The following PEAK1 variants were observed in gnomAD, a reference collection of about 807,000 sequenced individuals.
PEAK1 encodes the protein inactive tyrosine-protein kinase PEAK1.
PEAK1 carries 54 observed loss-of-function variants against 124.7 expected under a neutral mutation model. The ratio of observed to expected loss-of-function variants is 0.43; its 90% CI spans 0.35 to 0.54. PEAK1 has a LOEUF of 0.54. Among genes scored for constraint, PEAK1 ranks in the 20% least tolerant of loss-of-function variants. PEAK1 has a pLI of 0.01. For synonymous variants in PEAK1, 719 were observed against 760.0 expected (o/e 0.95, Z 0.89); for missense variants, 2,046 against 2,134.5 (o/e 0.96, Z 0.82).
chr15:77,406,679 A>C (rs1359098962), intron 1 of PEAK1, among the ~76,000 whole-genome samples: 1 of 152,208 alleles, frequency 6.6e-6, no homozygotes, highest in Non-Finnish European at 1.5e-5. Context: ...GGGCAGAATA[A>C]ATATTGTGAA....
In PEAK1 at chr15:77,133,261, T is replaced by C. The variant is rs1489623382; in HGVS notation, c.3821A>G (p.Gln1274Arg). ...QGRGIQKPQR[Q>R]ALYRGLENRE... ...ATTCTCAAGTCCTCGATAAAGTGCT[T>C]GTCTCTGCGGCTTCTGGATGCCTCG... is the stretch of plus-strand genomic sequence containing the variant. The change falls in exon 9 of 10, where the codon CAA (glutamine) becomes CGA (arginine). Residue 1274 changes from glutamine to arginine, a missense_variant. Transcript: ENST00000682557. This position sits in a 1 kb window ranked among gnomAD's most constrained non-coding sequence, Gnocchi z 4.2. The C allele has an allele frequency of 1.9e-6, 3 of 1,614,234 alleles. No homozygotes were observed. Among genetic ancestry groups the C allele is most frequent in the Non-Finnish European group, 2.5e-6 (3 of 1,180,034 alleles).
chr15:77,316,645 T>C (rs2064894449), intron 2 of PEAK1, among the ~76,000 whole-genome samples: 3 of 152,218 alleles, frequency 2.0e-5, no homozygotes, highest in South Asian at 4.1e-4. Flanking sequence ...TTCCCCACCA[T>C]GGTGCCTTAA....
At position 77,302,889 on chromosome 15, in the gene PEAK1, T is replaced by TA. The variant is rs35761391; in HGVS notation, c.-602-16386dup. 5.3e-5 allele frequency among the ~76,000 whole-genome samples: 8 copies of TA among 152,252 alleles called. No homozygotes were observed. In the South Asian group the frequency reaches 1.7e-3, roughly 32 times the overall value. On this transcript the variant is annotated intron_variant, in intron 2 of 9. Transcript: ENST00000682557. ...CATCACAGTATCATACTTATCACCC[T>TA]AAAAAAGTCCTGGTTTTTCATCTAT... is the stretch of plus-strand genomic sequence containing the variant.
intron 8 of PEAK1, chr15:77,158,091 T>G (rs1035274339): frequency 6.2e-6 from 1 of 161,076 alleles, no homozygotes; most frequent in Non-Finnish European, 1.4e-5. Flanking sequence ...GATTGGAATA[T>G]TCTTTCTCCC....
intron 6 of PEAK1, among the ~76,000 whole-genome samples, chr15:77,231,870 T>C (rs2059923158): frequency 6.6e-6 from 1 of 152,202 alleles, no homozygotes; most frequent in African/African-American, 2.4e-5. Flanking sequence ...ATCAGTATCT[T>C]CCTACACACT....
At chr15:77,400,144 G>C (rs538212433) in intron 1 of PEAK1, among the ~76,000 whole-genome samples, 1 of 151,984 alleles carries the variant, frequency 6.6e-6, no homozygotes, top group Non-Finnish European at 1.5e-5. Context: ...TTATCCAAAA[G>C]ACAGGCAATA....
chr15:77,308,827 G>A (rs2064257542), intron 2 of PEAK1, among the ~76,000 whole-genome samples: 1 of 151,906 alleles, frequency 6.6e-6, no homozygotes, highest in Admixed American at 6.6e-5. Flanking sequence ...TGAGGGAGAA[G>A]AAAAAACAAG....
At chr15:77,200,142 C>A (rs945118401) in intron 6 of PEAK1, among the ~76,000 whole-genome samples, 5 of 152,202 alleles carry the variant, frequency 3.3e-5, no homozygotes, top group Admixed American at 1.3e-4. Flanking sequence ...TCTTCCTCCT[C>A]CTCGGACTAC....
intron 6 of PEAK1, among the ~76,000 whole-genome samples, chr15:77,225,654 T>TA (rs1293166439): frequency 2.8e-4 from 32 of 112,884 alleles, no homozygotes; most frequent in South Asian, 1.4e-3. Flanking sequence ...TGTGTGTGTG[T>TA]GTGTGTATAA....
intron 7 of PEAK1, among the ~76,000 whole-genome samples, chr15:77,164,905 C>CT (rs978671775): frequency 0.03 from 4,281 of 142,430 alleles, 87 homozygotes; most frequent in Non-Finnish European, 0.043. Flanking sequence ...GGCTTTCTTT[C>CT]TTTTTTTTTT....
At chr15:77,320,381 T>C (rs76048290) in intron 2 of PEAK1, among the ~76,000 whole-genome samples, 3 of 152,332 alleles carry the variant, frequency 2.0e-5, no homozygotes, top group Non-Finnish European at 2.9e-5. Context: ...GTGCTGATCA[T>C]GATGCTTACA....
chr15:77,173,986 T>C (rs987101596), intron 7 of PEAK1, among the ~76,000 whole-genome samples: 2 of 152,212 alleles, frequency 1.3e-5, no homozygotes, highest in African/African-American at 4.8e-5. Flanking sequence ...TTTTTATATG[T>C]TTTCTAATGA....
At chr15:77,299,703 T>C (rs1184366994) in intron 2 of PEAK1, among the ~76,000 whole-genome samples, 2 of 152,224 alleles carry the variant, frequency 1.3e-5, no homozygotes, top group East Asian at 1.9e-4. Flanking sequence ...CCAAATTAGA[T>C]TTCAGTTATG....
chr15:77,181,426 T>A lies in PEAK1; in HGVS notation c.501A>T (p.Gly167=). The change falls in exon 7 of 10, where the codon GGA becomes GGT. Residue 167 remains glycine, a synonymous_variant. Coordinates refer to ENST00000682557, the MANE Select transcript of PEAK1 (RefSeq NM_001385026.1). ...ATGTTTCTCTGGAGTTTGTTTCATT[T>A]CCTCTTATCTGAGGGGCAGTATCCA... ...AGLDTAPQIR[G]NETNSRETFL... The A allele has an allele frequency of 6.2e-7, 1 of 1,614,178 alleles. No homozygotes were observed. Among genetic ancestry groups the A allele is most frequent in the Non-Finnish European group, 8.5e-7 (1 of 1,180,014 alleles).
At chr15:77,331,563 G>A (rs1469393499) in intron 2 of PEAK1, among the ~76,000 whole-genome samples, 1 of 152,044 alleles carries the variant, frequency 6.6e-6, no homozygotes, top group Non-Finnish European at 1.5e-5. Context: ...ATTATTTTAA[G>A]TACAATTGTT....
At chr15:77,171,336 T>A (rs190504484) in intron 7 of PEAK1, among the ~76,000 whole-genome samples, 2 of 152,116 alleles carry the variant, frequency 1.3e-5, no homozygotes, top group Non-Finnish European at 2.9e-5. Flanking sequence ...CTGAAAATAA[T>A]TAATCCATTT....
At chr15:77,194,683 C>T (rs746124258) in intron 6 of PEAK1, among the ~76,000 whole-genome samples, 1 of 152,172 alleles carries the variant, frequency 6.6e-6, no homozygotes, top group Non-Finnish European at 1.5e-5. Flanking sequence ...AGTCTTGGCA[C>T]TGTATGTTTC....
At chr15:77,157,993 G>A (rs1283263347) in intron 8 of PEAK1, 2 of 154,084 alleles carry the variant, frequency 1.3e-5, no homozygotes, top group African/African-American at 4.8e-5. Flanking sequence ...GCATGACACT[G>A]GCTAACTCTC....
intron 2 of PEAK1, among the ~76,000 whole-genome samples, chr15:77,361,204 C>T (rs899410148): frequency 2.6e-5 from 4 of 152,064 alleles, no homozygotes; most frequent in African/African-American, 9.7e-5. Context: ...TAAAAATTGG[C>T]AAATGATATA....
Sources: allele counts gnomAD v4.1 joint callset (sites outside exome capture counted in the v4.1 genomes callset), GRCh38; gene constraint gnomAD v4.1.1; non-coding constraint Gnocchi (gnomAD v3.1); transcripts MANE v1.5; gene names NCBI Gene and HGNC (gene_info 2026-07-23, HGNC 2026-07-21).